CCDC171: variants seen among roughly 807,000 people sequenced by gnomAD.
The protein encoded by CCDC171 is coiled-coil domain containing 171.
CCDC171 carries 177 observed loss-of-function variants against 168.2 expected under a neutral mutation model. That is an observed-to-expected ratio of 1.05 (90% CI 0.93 to 1.19). CCDC171 has a LOEUF of 1.19. Among genes scored for constraint, CCDC171 ranks in the 50% most tolerant of loss-of-function variants. The pLI, the probability that CCDC171 is intolerant of heterozygous loss-of-function variation, is 0.00. For missense variants in CCDC171, 1,991 were observed against 1,539.0 expected, an observed-to-expected ratio of 1.29 and a Z score of -4.91; for synonymous variants, 687 against 540.8, an observed-to-expected ratio of 1.27 and a Z score of -3.75.
chr9:15,795,475 A>G (rs2058504509), intron 21 of CCDC171, among the ~76,000 whole-genome samples: 1 of 152,214 alleles, frequency 6.6e-6, no homozygotes, highest in Admixed American at 6.5e-5. Context: ...TATATAGCCA[A>G]GCTTAAAGAG....
intron 3 of CCDC171, among the ~76,000 whole-genome samples, chr9:15,995,088 A>G (rs1402301738): frequency 6.6e-6 from 1 of 152,220 alleles, no homozygotes; most frequent in Non-Finnish European, 1.5e-5. Flanking sequence ...ACTCCTTTTG[A>G]AAACCCACAC....
At chr9:16,105,012 C>A in the CCDC171 span, among the ~76,000 whole-genome samples, 1 of 152,126 alleles carries the variant, frequency 6.6e-6, no homozygotes. Flanking sequence ...AGAGAAGATG[C>A]AGGCAGTAAG....
At chr9:15,652,141 T>A (rs1020563309) in intron 7 of CCDC171, among the ~76,000 whole-genome samples, 1 of 152,190 alleles carries the variant, frequency 6.6e-6, no homozygotes, top group African/African-American at 2.4e-5. Context: ...ACCCCTATGT[T>A]TTCTTCTAAG....
At chr9:15,777,458 G>A in intron 18 of CCDC171, 142 bp from the exon 19 acceptor site, 1 of 535,232 alleles carries the variant, frequency 1.9e-6, no homozygotes, top group East Asian at 3.0e-5. Context: ...AAAATAATGT[G>A]GGAAGGACCT....
chr9:16,074,152 A>G, the CCDC171 span, among the ~76,000 whole-genome samples: 1 of 152,132 alleles, frequency 6.6e-6, no homozygotes, highest in Non-Finnish European at 1.5e-5. Flanking sequence ...ATTTTCTGAA[A>G]TACCCAGTGC....
chr9:15,637,236 A>G (rs1271247104), intron 7 of CCDC171, among the ~76,000 whole-genome samples: 1 of 152,174 alleles, frequency 6.6e-6, no homozygotes, highest in Non-Finnish European at 1.5e-5. Context: ...AGCCTGGGCA[A>G]CAGAGCAAGA....
At chr9:15,712,268 C>T (rs1449398976) in intron 11 of CCDC171, among the ~76,000 whole-genome samples, 1 of 152,192 alleles carries the variant, frequency 6.6e-6, no homozygotes, top group Admixed American at 6.5e-5. Flanking sequence ...TATTTGGGCA[C>T]CCAATGACCC....
intron 21 of CCDC171, among the ~76,000 whole-genome samples, chr9:15,836,608 C>T (rs2060461904): frequency 6.6e-6 from 1 of 152,204 alleles, no homozygotes; most frequent in Non-Finnish European, 1.5e-5. Context: ...GCCTCGGCCT[C>T]CCAAAGTCCT....
chr9:15,590,769 T>C (rs987960731), intron 4 of CCDC171, among the ~76,000 whole-genome samples: 9 of 104,670 alleles, frequency 8.6e-5, no homozygotes, highest in Admixed American at 4.7e-4. Context: ...CTTTCTTTCT[T>C]TCTCTTTCTT....
chr9:15,646,225 C>G (rs973411654), intron 7 of CCDC171, among the ~76,000 whole-genome samples: 2 of 152,128 alleles, frequency 1.3e-5, no homozygotes, highest in Non-Finnish European at 1.5e-5. Flanking sequence ...CCAGGCCTGC[C>G]TTACAAGAGC....
intron 3 of CCDC171, among the ~76,000 whole-genome samples, chr9:16,013,722 T>C (rs1190174675): frequency 6.6e-6 from 1 of 152,154 alleles, no homozygotes; most frequent in African/African-American, 2.4e-5. Context: ...GAGTCACAGA[T>C]AATTTTTAAT....
rs764642038 is a variant in CCDC171, at chr9:15,623,116, T to G, written c.676-151T>G. The G allele has an allele frequency of 1.4e-4, 65 of 453,020 alleles. No individual in the cohort carries two copies. The South Asian group carries it at 1.7e-3, about 12-fold the overall frequency. 28.1% of individuals were successfully genotyped at this position (453,020 alleles called of 1,614,324 possible). A position where few individuals can be genotyped will look rare whatever the true frequency, so the allele number is the denominator to read the frequency against. On this transcript the variant is annotated intron_variant, in intron 6 of 25. Coordinates refer to ENST00000380701, the MANE Select transcript of CCDC171 (RefSeq NM_173550.4). ...ACACATGGACATTCTGAAACATTGA[T>G]GGAAAATATCTAGGCCTCTTTTGCC...
chr9:15,671,521 C>G (rs1459315112), intron 9 of CCDC171, among the ~76,000 whole-genome samples: 3 of 149,858 alleles, frequency 2.0e-5, no homozygotes, highest in African/African-American at 7.4e-5. Context: ...CCCCCACCCC[C>G]TGCCAGGCCC....
chr9:15,810,569 G>A (rs913480663), intron 21 of CCDC171, among the ~76,000 whole-genome samples: 2 of 152,294 alleles, frequency 1.3e-5, no homozygotes, highest in East Asian at 1.9e-4. Flanking sequence ...GCTGAGGCCC[G>A]GCGACAATTT....
chr9:15,852,527 G>C (rs1245585492), intron 23 of CCDC171, among the ~76,000 whole-genome samples: 1 of 151,492 alleles, frequency 6.6e-6, no homozygotes, highest in Non-Finnish European at 1.5e-5. Context: ...CCATCCTGTA[G>C]GTTGTCTTTT....
intron 7 of CCDC171, among the ~76,000 whole-genome samples, chr9:15,652,019 C>T (rs919804894): frequency 1.3e-5 from 2 of 152,142 alleles, no homozygotes; most frequent in Non-Finnish European, 2.9e-5. Context: ...GCCGTCCTTT[C>T]CACTTTAGCC....
At chr9:15,647,678 T>C (rs962589265) in intron 7 of CCDC171, among the ~76,000 whole-genome samples, 7 of 151,608 alleles carry the variant, frequency 4.6e-5, no homozygotes, top group African/African-American at 1.5e-4. Context: ...ACACATACAC[T>C]CTCCCAAGAC....
chr9:16,054,544 C>T (rs1174114173), intron 1 of CCDC171, among the ~76,000 whole-genome samples: 2 of 152,186 alleles, frequency 1.3e-5, no homozygotes, highest in African/African-American at 2.4e-5. Flanking sequence ...CCACTAGGAC[C>T]TGGAGATTCC....
intron 3 of CCDC171, among the ~76,000 whole-genome samples, chr9:16,011,524 G>A (rs1298808200): frequency 1.3e-5 from 2 of 151,962 alleles, no homozygotes; most frequent in Admixed American, 6.6e-5. Context: ...TCTGTTGTTA[G>A]GAGTGACAAC....
Sources: gnomAD v4.1 joint callset for allele counts (sites outside exome capture counted in the v4.1 genomes callset) on GRCh38, gnomAD v4.1.1 for gene constraint, MANE v1.5 for transcripts, NCBI Gene and HGNC (gene_info 2026-07-23, HGNC 2026-07-21) for gene names.